AMPD3: variants seen among roughly 807,000 people sequenced by gnomAD.
AMPD3 encodes AMP deaminase 3.
Under a neutral mutation model 82.3 loss-of-function variants are expected in AMPD3, and 57 were observed. That is an observed-to-expected ratio of 0.69 (90% CI 0.56 to 0.86). The LOEUF (loss-of-function observed/expected upper bound fraction) is 0.86, where lower values mean the gene tolerates loss of function less well. AMPD3 is among the 40% of genes least tolerant of loss of function. The pLI is 0.00. For synonymous variants in AMPD3, 381 were observed against 394.7 expected (o/e 0.97, Z 0.41); for missense variants, 870 against 1,003.8 (o/e 0.87, Z 1.80).
chr11:10,453,157 C>T (rs918360316), upstream of AMPD3, among the ~76,000 whole-genome samples: 1 of 152,198 alleles, frequency 6.6e-6, no homozygotes, highest in Admixed American at 6.5e-5. Context: ...CCCATGTTGG[C>T]CAGGCTGGTC....
intron 2 of AMPD3, among the ~76,000 whole-genome samples, chr11:10,469,803 GC>G (rs1234071458): frequency 6.6e-6 from 1 of 152,142 alleles, no homozygotes; most frequent in Non-Finnish European, 1.5e-5. Flanking sequence ...ACTTTGGGAG[GC>G]CGAGGCGGGC....
chr11:10,453,747 C>T (rs527252385), upstream of AMPD3, among the ~76,000 whole-genome samples: 59 of 152,198 alleles, frequency 3.9e-4, no homozygotes, highest in Non-Finnish European at 6.9e-4. Flanking sequence ...CACCACCATG[C>T]CCAGCTAATT....
At position 10,495,727 on chromosome 11, in the gene AMPD3, G is replaced by A. The variant is rs1293474730; in HGVS notation, c.1424G>A (p.Arg475Gln). The change falls in exon 9 of 15, where the codon CGG becomes CAG. Residue 475 changes from arginine to glutamine, a missense_variant. Arg to Gln is a conservative substitution (Grantham distance 43). Coordinates refer to ENST00000396553, the MANE Select transcript of AMPD3 (RefSeq NM_001025389.2). ...ATGCGCTGGATCATCCAGGTGCCCC[G>A]GATTTAGTAAGTGAGGTGGCCCGCT... ...PNMRWIIQVP[R>Q]IYDIFRSKKL... 6 of 1,613,936 alleles carry A rather than the reference G, an allele frequency of 3.7e-6. No homozygotes were observed. The highest frequency in any genetic ancestry group is 4.5e-5 in the East Asian group (2 of 44,890).
chr11:10,500,985 G>GC (rs1849563508), intron 11 of AMPD3: 1 of 985,292 alleles, frequency 1.0e-6, no homozygotes, highest in African/African-American at 1.7e-5. Context: ...GAAAGAAATG[G>GC]CCTGGCAGGG....
chr11:10,502,639 C>T (rs1056950005), intron 12 of AMPD3, 82 bp from the exon 13 acceptor site: 10 of 1,589,090 alleles, frequency 6.3e-6, no homozygotes, highest in Middle Eastern at 1.7e-4. Flanking sequence ...CTGGTGAATG[C>T]TTCTTCCCTT....
chr11:10,466,751 C>A (rs772913528), intron 2 of AMPD3, among the ~76,000 whole-genome samples: 1 of 152,212 alleles, frequency 6.6e-6, no homozygotes, highest in Non-Finnish European at 1.5e-5. Context: ...GACTGGGAGA[C>A]ACCTCCCAGT....
rs752924077 is a variant in AMPD3, at chr11:10,501,425, C to G, written c.1722-45C>G. On this transcript the variant is annotated intron_variant, in intron 11 of 14. Coordinates refer to ENST00000396553, the MANE Select transcript of AMPD3 (RefSeq NM_001025389.2). ...TGTGGCTGCAGGCCCCAGGCAGAGCCAACTGGGGGGGGCCTTCCTGATTCG... is the reference window on the plus strand; with the variant it reads ...TGTGGCTGCAGGCCCCAGGCAGAGCGAACTGGGGGGGGCCTTCCTGATTCG... 1.9e-6 allele frequency: 3 copies of G among 1,607,896 alleles called. No individual in the cohort carries two copies. The Admixed American group carries it at 5.0e-5, about 27-fold the overall frequency.
chr11:10,454,407 G>C (rs4910141), upstream of AMPD3, among the ~76,000 whole-genome samples: 112,399 of 151,744 alleles, frequency 0.74, 41,718 homozygotes, highest in Admixed American at 0.79. Context: ...TCCCAAAGCC[G>C]ATACCACAAG....
rs1036719738 is a variant in AMPD3, at chr11:10,506,933, C to T, written c.*1049C>T. 10 of 152,106 alleles carry T rather than the reference C, an allele frequency of 6.6e-5. No homozygotes were observed. The East Asian group carries it at 7.8e-4, about 12-fold the overall frequency. 9.4% of individuals were successfully genotyped at this position (152,106 alleles called of 1,614,324 possible). ...TGTGTGTGTTTTTAATCACTGTAAC[C>T]GGATGCATTTTTTTAAGGCAAAATT... is the stretch of plus-strand genomic sequence containing the variant. On this transcript the variant is annotated 3_prime_UTR_variant, in exon 15 of 15. Transcript: ENST00000396553. This position sits in a 1 kb window ranked among gnomAD's most constrained non-coding sequence, Gnocchi z 4.1.
At position 10,507,443 on chromosome 11, in the gene AMPD3, T is replaced by G. The variant is rs777632236; in HGVS notation, c.*1559T>G. On this transcript the variant is annotated 3_prime_UTR_variant, in exon 15 of 15. Coordinates refer to ENST00000396553, the MANE Select transcript of AMPD3 (RefSeq NM_001025389.2). ...AATTGAATGAAAATCCATTGTTATC[T>G]TAGGGATTAGTTTTGAAAAGCCCCC... 1 of 151,872 alleles carries G rather than the reference T, an allele frequency of 6.6e-6. No homozygotes were observed. The highest frequency in any genetic ancestry group is 1.5e-5 in the Non-Finnish European group (1 of 68,034). The allele number at this position is 151,872 out of a possible 1,614,324, so 9.4% of individuals were successfully genotyped here. A position where few individuals can be genotyped will look rare whatever the true frequency, so the allele number is the denominator to read the frequency against.
intron 10 of AMPD3, among the ~76,000 whole-genome samples, chr11:10,498,227 C>T (rs1396054260): frequency 2.0e-5 from 3 of 152,082 alleles, no homozygotes; most frequent in Admixed American, 2.0e-4. Flanking sequence ...AAGCGGTGGG[C>T]GTACACCTGG....
intron 1 of AMPD3, among the ~76,000 whole-genome samples, chr11:10,459,712 A>G (rs537869706): frequency 6.6e-6 from 1 of 152,174 alleles, no homozygotes; most frequent in East Asian, 1.9e-4. Flanking sequence ...AATCCATTCC[A>G]CAAGTGTTAT....
intron 2 of AMPD3, among the ~76,000 whole-genome samples, chr11:10,465,795 G>T (rs143483669): frequency 9.2e-4 from 139 of 151,808 alleles, no homozygotes; most frequent in Admixed American, 1.6e-3. Context: ...GGCCATTCAG[G>T]CAGACACTGA....
chr11:10,461,371 A>C (rs1049363661), intron 1 of AMPD3, 144 bp from the exon 2 acceptor site: 9 of 1,595,734 alleles, frequency 5.6e-6, no homozygotes, highest in Non-Finnish European at 7.6e-6. Flanking sequence ...TGAAATTGGC[A>C]TGCTGGGTTT....
chr11:10,461,338 C>G (rs557880170), intron 1 of AMPD3, 177 bp from the exon 2 acceptor site: 1 of 1,586,318 alleles, frequency 6.3e-7, no homozygotes, highest in South Asian at 1.1e-5. Context: ...TGCTTCACAT[C>G]CAGTTACTTA....
At chr11:10,504,024 A>C (rs771986657) in intron 13 of AMPD3, 7 of 985,072 alleles carry the variant, frequency 7.1e-6, no homozygotes, top group Non-Finnish European at 8.4e-6. Context: ...TCAAACCCAG[A>C]TCATTCTGGG....
chr11:10,450,621 C>G (rs909349344), upstream of AMPD3: 24 of 995,114 alleles, frequency 2.4e-5, no homozygotes, highest in African/African-American at 3.8e-4. Flanking sequence ...GCGCGGGCCC[C>G]GCGGAGCCCA....
intron 10 of AMPD3, among the ~76,000 whole-genome samples, chr11:10,497,916 T>C (rs1439494765): frequency 6.6e-6 from 1 of 152,216 alleles, no homozygotes; most frequent in Non-Finnish European, 1.5e-5. Context: ...AATTATTATG[T>C]GCTTGGTGCG....
chr11:10,465,221 C>T (rs1028732381), intron 2 of AMPD3, among the ~76,000 whole-genome samples: 1 of 152,164 alleles, frequency 6.6e-6, no homozygotes, highest in African/African-American at 2.4e-5. Flanking sequence ...TTATGAAAAG[C>T]AGGCACAAGA....
Sources: allele counts gnomAD v4.1 joint callset (sites outside exome capture counted in the v4.1 genomes callset), GRCh38; gene constraint gnomAD v4.1.1; non-coding constraint Gnocchi (gnomAD v3.1); transcripts MANE v1.5; gene names NCBI Gene and HGNC (gene_info 2026-07-23, HGNC 2026-07-21).